The following CYLD variants were observed in gnomAD, a reference collection of about 807,000 sequenced individuals.
CYLD encodes the protein ubiquitin carboxyl-terminal hydrolase CYLD.
Under a neutral mutation model 104.5 loss-of-function variants are expected in CYLD, and 26 were observed. That is an observed-to-expected ratio of 0.25 (90% CI 0.18 to 0.35). The LOEUF is 0.35. Among genes scored for constraint, CYLD ranks in the 10% least tolerant of loss-of-function variants. The pLI is 1.00. For synonymous variants in CYLD, 385 were observed against 399.9 expected (o/e 0.96, Z 0.45); for missense variants, 703 against 1,136.1 (o/e 0.62, Z 5.48).
intron 14 of CYLD, among the ~76,000 whole-genome samples, chr16:50,789,104 G>A (rs1273154164): frequency 6.6e-6 from 1 of 152,102 alleles, no homozygotes; most frequent in East Asian, 1.9e-4. Flanking sequence ...AAGCTACGAA[G>A]GCAAAGCAAT....
intron 5 of CYLD, among the ~76,000 whole-genome samples, chr16:50,761,206 G>T (rs1967882756): frequency 6.6e-6 from 1 of 152,036 alleles, no homozygotes; most frequent in Non-Finnish European, 1.5e-5. Context: ...TGCAAATGTT[G>T]CCCACTCTTC....
At position 50,794,833 on chromosome 16, in the gene CYLD, C is replaced by T; in HGVS notation, c.2686+405C>T. On this transcript the variant is annotated intron_variant, in intron 18 of 18. Transcript: ENST00000427738. This position sits in a 1 kb window ranked among gnomAD's most constrained non-coding sequence, Gnocchi z 4.1. The stretch of plus-strand genomic sequence containing the variant: ...ATGGGCTTCTGCCATGTTGCCCAAG[C>T]TGGTCTCAAATTCCTGGCCTCAAGT... The T allele has an allele frequency of 3.5e-6, 1 of 289,070 alleles. No homozygotes were observed. The highest frequency in any genetic ancestry group is 6.7e-6 in the Non-Finnish European group (1 of 148,500). The allele number at this position is 289,070 out of a possible 1,614,324, so 17.9% of individuals were successfully genotyped here. A position where few individuals can be genotyped will look rare whatever the true frequency, so the allele number is the denominator to read the frequency against.
chr16:50,776,380 CT>C (rs968577188), intron 7 of CYLD, 103 bp downstream of exon 7: 34 of 849,606 alleles, frequency 4.0e-5, no homozygotes, highest in South Asian at 3.6e-4. Context: ...TGTATGTAGA[CT>C]TTTTTTCTTT....
intron 5 of CYLD, among the ~76,000 whole-genome samples, chr16:50,773,039 G>T (rs1053075831): frequency 6.6e-6 from 1 of 152,028 alleles, no homozygotes; most frequent in Non-Finnish European, 1.5e-5. Context: ...TCTGGCATCG[G>T]GTTTAATAAT....
intron 18 of CYLD, chr16:50,795,418 G>A: frequency 1.6e-6 from 1 of 620,176 alleles, no homozygotes; most frequent in African/African-American, 1.8e-5. Context: ...GTGGGTTGTA[G>A]GTAAGAAATG....
At chr16:50,781,878 T>C (rs1970249175) in intron 10 of CYLD, among the ~76,000 whole-genome samples, 2 of 152,354 alleles carry the variant, frequency 1.3e-5, no homozygotes, top group East Asian at 3.9e-4. Context: ...TTCCTGGTGC[T>C]GTTCCTTTCC....
chr16:50,751,930 T>C (rs775035809), intron 4 of CYLD, 24 bp downstream of exon 4: 3 of 1,421,192 alleles, frequency 2.1e-6, no homozygotes, highest in Non-Finnish European at 2.9e-6. Context: ...GGATTAAATA[T>C]CTTTGTGATA....
chr16:50,779,583 A>T, intron 8 of CYLD, 82 bp from the exon 9 acceptor site: 1 of 1,413,174 alleles, frequency 7.1e-7, no homozygotes, highest in Non-Finnish European at 9.9e-7. Context: ...CAGTTGGACT[A>T]GATCTGTATA....
chr16:50,753,717 C>G (rs1027133147), intron 4 of CYLD, among the ~76,000 whole-genome samples: 3 of 152,130 alleles, frequency 2.0e-5, no homozygotes, highest in Non-Finnish European at 4.4e-5. Flanking sequence ...TGATGTAGTT[C>G]CCTGTACAGC....
In CYLD at chr16:50,781,198, A is replaced by C. The variant is rs746158700; in HGVS notation, c.1519-48A>C. 20 of 1,607,054 alleles carry C rather than the reference A, an allele frequency of 1.2e-5. No homozygotes were observed. In the Middle Eastern group the frequency reaches 1.1e-3, roughly 85 times the overall value. On this transcript the variant is annotated intron_variant, in intron 9 of 18. Transcript: ENST00000427738. ...TAGAAACCTTAGTTCTTTGTATACT[A>C]TCTCTGTAAGGCACGGTATAATGCA...
At chr16:50,767,246 T>C (rs1968613899) in intron 5 of CYLD, among the ~76,000 whole-genome samples, 1 of 152,170 alleles carries the variant, frequency 6.6e-6, no homozygotes, top group African/African-American at 2.4e-5. Flanking sequence ...TTTTTAGCAA[T>C]GAAATATTTT....
In CYLD at chr16:50,794,280, C is replaced by A. The variant is rs376293566; in HGVS notation, c.2538C>A (p.Asp846Glu). The A allele has an allele frequency of 8.1e-6, 13 of 1,614,076 alleles. No homozygotes were observed. Among genetic ancestry groups the A allele is most frequent in the Non-Finnish European group, 1.1e-5 (13 of 1,180,040 alleles). Residue 846 changes from aspartate to glutamate, a missense_variant, in exon 18 of 19, where the codon GAC becomes GAA. Asp to Glu is a conservative substitution (Grantham distance 45). Coordinates refer to ENST00000427738, the MANE Select transcript of CYLD (RefSeq NM_001378743.1). This position sits in a 1 kb window ranked among gnomAD's most constrained non-coding sequence, Gnocchi z 4.1. ...NPVSLPKDLP[D>E]WDWRHGCIPC... ...TGTCACTTCCCAAAGACTTACCCGACTGGGACTGGAGACACGGCTGCATCC... is the reference window on the plus strand; with the variant it reads ...TGTCACTTCCCAAAGACTTACCCGAATGGGACTGGAGACACGGCTGCATCC...
intron 5 of CYLD, among the ~76,000 whole-genome samples, chr16:50,774,134 G>C (rs887584447): frequency 2.6e-5 from 4 of 152,216 alleles, no homozygotes; most frequent in African/African-American, 9.6e-5. Context: ...GTATACATGT[G>C]AACATACTTT....
chr16:50,783,731 G>C (rs1265285039), intron 11 of CYLD: 1 of 153,402 alleles, frequency 6.5e-6, no homozygotes, highest in East Asian at 1.9e-4. Context: ...TAGAGACGGG[G>C]TTTCACCATA....
At chr16:50,766,303 T>G (rs1192548578) in intron 5 of CYLD, among the ~76,000 whole-genome samples, 1 of 152,204 alleles carries the variant, frequency 6.6e-6, no homozygotes, top group Non-Finnish European at 1.5e-5. Flanking sequence ...ACAACACATG[T>G]GTTTATAGCA....
At chr16:50,770,247 C>T (rs1001628360) in intron 5 of CYLD, among the ~76,000 whole-genome samples, 4 of 152,158 alleles carry the variant, frequency 2.6e-5, no homozygotes, top group Non-Finnish European at 5.9e-5. Context: ...TGTACTCTTA[C>T]TTTACCACTG....
chr16:50,787,243 T>C (rs1970935399), intron 13 of CYLD: 4 of 381,572 alleles, frequency 1.0e-5, no homozygotes, highest in East Asian at 5.8e-5. Context: ...GTTTCTCTCT[T>C]GTGGTGCAGA....
chr16:50,746,542 A>G (rs1966210163), intron 2 of CYLD, among the ~76,000 whole-genome samples: 2 of 152,192 alleles, frequency 1.3e-5, no homozygotes, highest in African/African-American at 4.8e-5. Flanking sequence ...AATATTTGAT[A>G]ACTTGTGCTT....
At position 50,794,613 on chromosome 16, in the gene CYLD, T is replaced by C. The variant is rs1392876550; in HGVS notation, c.2686+185T>C. The C allele has an allele frequency of 1.3e-5, 8 of 630,266 alleles. No individual in the cohort carries two copies. In the East Asian group the frequency reaches 2.2e-4, roughly 17 times the overall value. 39.0% of individuals were successfully genotyped at this position (630,266 alleles called of 1,614,324 possible). Reference sequence around the variant, plus strand: ...TTGCTAGCTGAACTAAGGAATAATATGCTGTGTTTTTTTTTTTCCTTTTTT... The same window carrying C: ...TTGCTAGCTGAACTAAGGAATAATACGCTGTGTTTTTTTTTTTCCTTTTTT... On this transcript the variant is annotated intron_variant, in intron 18 of 18. Transcript: ENST00000427738. This position sits in a 1 kb window ranked among gnomAD's most constrained non-coding sequence, Gnocchi z 4.1.
Sources: allele counts gnomAD v4.1 joint callset (sites outside exome capture counted in the v4.1 genomes callset), GRCh38; gene constraint gnomAD v4.1.1; non-coding constraint Gnocchi (gnomAD v3.1); transcripts MANE v1.5; gene names NCBI Gene and HGNC (gene_info 2026-07-23, HGNC 2026-07-21).